The following WDPCP variants were observed in gnomAD, a reference collection of about 807,000 sequenced individuals.
WDPCP encodes the protein WD repeat containing planar cell polarity effector.
Under a neutral mutation model 93.1 loss-of-function variants are expected in WDPCP, and 71 were observed. That is an observed-to-expected ratio of 0.76 (90% confidence interval 0.63 to 0.93). WDPCP has a LOEUF of 0.93. Ranked by LOEUF, WDPCP falls within the 40% of genes least tolerant of loss-of-function variation. The pLI, the probability that WDPCP is intolerant of heterozygous loss-of-function variation, is 0.00. For missense variants in WDPCP, 844 were observed against 887.4 expected (o/e 0.95, Z 0.62); for synonymous variants, 315 against 315.0 (o/e 1.00, Z 0.00).
chr2:63,710,291 G>A (rs768953995), intron 2 of WDPCP, among the ~76,000 whole-genome samples: 1 of 152,294 alleles, frequency 6.6e-6, no homozygotes, highest in South Asian at 2.1e-4. Context: ...GGTGCCCAAG[G>A]TTGGCTGAGT....
chr2:63,651,789 C>G (rs55957360), intron 2 of WDPCP, among the ~76,000 whole-genome samples: 1 of 152,188 alleles, frequency 6.6e-6, no homozygotes, highest in Admixed American at 6.5e-5. Flanking sequence ...TAACTCAGTA[C>G]TATAACCTAA....
chr2:63,799,560 A>G (rs138128333), intron 2 of WDPCP, among the ~76,000 whole-genome samples: 2 of 152,316 alleles, frequency 1.3e-5, no homozygotes, highest in East Asian at 3.9e-4. Context: ...CTCAAGGGAT[A>G]TAATTCTAGG....
chr2:63,167,002 A>G (rs1209909534), intron 15 of WDPCP, among the ~76,000 whole-genome samples: 4 of 152,054 alleles, frequency 2.6e-5, no homozygotes, highest in Non-Finnish European at 2.9e-5. Flanking sequence ...TATGAGTTCA[A>G]TTGTTTTAAT....
chr2:63,407,069 A>C (rs1694646993), intron 9 of WDPCP, among the ~76,000 whole-genome samples: 1 of 152,188 alleles, frequency 6.6e-6, no homozygotes, highest in Admixed American at 6.5e-5. Context: ...AAGCATATAG[A>C]TATCCTAAAC....
intron 2 of WDPCP, among the ~76,000 whole-genome samples, chr2:63,694,364 T>C (rs962694272): frequency 6.6e-6 from 1 of 152,192 alleles, no homozygotes; most frequent in African/African-American, 2.4e-5. Context: ...TACCTTATAA[T>C]CTTTCTTTGA....
intron 3 of WDPCP, chr2:63,644,081 T>C (rs1710017451): frequency 2.8e-6 from 1 of 357,684 alleles, no homozygotes; most frequent in Admixed American, 3.7e-5. Flanking sequence ...ATGAATGATC[T>C]TTTTAATCTG....
chr2:63,195,188 A>G (rs1451778360), intron 14 of WDPCP, among the ~76,000 whole-genome samples: 1 of 152,120 alleles, frequency 6.6e-6, no homozygotes, highest in Non-Finnish European at 1.5e-5. Flanking sequence ...TGACATTTTT[A>G]TAATTGGTAG....
rs570549335 is a variant in WDPCP, at chr2:63,445,715, G to A, written c.385-5844C>T. 3.3e-5 allele frequency among the ~76,000 whole-genome samples: 5 copies of A among 152,222 alleles called. No homozygotes were observed. In the South Asian group the frequency reaches 6.2e-4, roughly 19 times the overall value. Reference sequence around the variant, plus strand: ...GGCATCTCAAAATAAAACAAGGTCCGAAAGTAGATTTTGTATTTGTCAGTA... The same window carrying A: ...GGCATCTCAAAATAAAACAAGGTCCAAAAGTAGATTTTGTATTTGTCAGTA... On this transcript the variant is annotated intron_variant, in intron 6 of 17. Coordinates refer to ENST00000272321, the MANE Select transcript of WDPCP (RefSeq NM_015910.7).
At chr2:63,259,493 T>C (rs1681434379) in intron 13 of WDPCP, 84 bp from the exon 14 acceptor site, 3 of 1,066,278 alleles carry the variant, frequency 2.8e-6, no homozygotes, top group Non-Finnish European at 2.9e-6. Context: ...AAACTTATTG[T>C]CCAGATTACA....
chr2:63,484,029 T>A lies in WDPCP; in HGVS notation c.384+575A>T, dbSNP rs570622763. ...TGTCCAATATGATAACATGTGGCTATTGAACACTTAAATGCGGGTAGTGCA... is the reference window on the plus strand; with the variant it reads ...TGTCCAATATGATAACATGTGGCTAATGAACACTTAAATGCGGGTAGTGCA... On this transcript the variant is annotated intron_variant, in intron 6 of 17. Transcript: ENST00000272321. 5.9e-5 allele frequency among the ~76,000 whole-genome samples: 9 copies of A among 152,138 alleles called. No homozygotes were observed. In the East Asian group the frequency reaches 1.7e-3, roughly 29 times the overall value.
chr2:63,502,723 T>G (rs1335980722), intron 1 of WDPCP, among the ~76,000 whole-genome samples: 1 of 152,116 alleles, frequency 6.6e-6, no homozygotes, highest in Non-Finnish European at 1.5e-5. Flanking sequence ...GTTTAGTCAT[T>G]TAAAATTTTT....
chr2:63,313,137 C>G, intron 13 of WDPCP, 111 bp downstream of exon 13: 1 of 973,222 alleles, frequency 1.0e-6, no homozygotes, highest in South Asian at 1.4e-5. Flanking sequence ...ATAATGCTTT[C>G]CCACCCTGTG....
At chr2:63,261,667 A>C (rs1681644024) in intron 13 of WDPCP, among the ~76,000 whole-genome samples, 1 of 152,186 alleles carries the variant, frequency 6.6e-6, no homozygotes, top group South Asian at 2.1e-4. Context: ...GAGCTATATC[A>C]CAAAAATTGT....
intron 8 of WDPCP, among the ~76,000 whole-genome samples, chr2:63,435,653 G>C (rs1697088483): frequency 6.6e-6 from 1 of 152,040 alleles, no homozygotes; most frequent in African/African-American, 2.4e-5. Context: ...TTTCCTATGA[G>C]TTTAATATTA....
intron 6 of WDPCP, among the ~76,000 whole-genome samples, chr2:63,448,258 A>T (rs770056156): frequency 2.0e-5 from 3 of 152,100 alleles, no homozygotes; most frequent in Non-Finnish European, 4.4e-5. Flanking sequence ...TCCATAATCC[A>T]TACTAATGTG....
intron 6 of WDPCP, 110 bp from the exon 7 acceptor site, chr2:63,439,981 C>T: frequency 1.3e-6 from 1 of 751,744 alleles, no homozygotes; most frequent in Non-Finnish European, 2.3e-6. Flanking sequence ...ACACATGCAT[C>T]TACACTACAA....
the WDPCP span, among the ~76,000 whole-genome samples, chr2:63,834,363 G>C: frequency 2.0e-4 from 30 of 152,232 alleles, no homozygotes; most frequent in African/African-American, 6.7e-4. Flanking sequence ...GTAAACTCTT[G>C]TTGTAAGTCA....
chr2:63,490,464 G>A (rs995251438), intron 2 of WDPCP, among the ~76,000 whole-genome samples: 1 of 152,128 alleles, frequency 6.6e-6, no homozygotes, highest in African/African-American at 2.4e-5. Context: ...TAAACATCAA[G>A]CATAATGAGA....
At chr2:63,296,682 A>G (rs1559294307) in intron 13 of WDPCP, among the ~76,000 whole-genome samples, 1 of 152,186 alleles carries the variant, frequency 6.6e-6, no homozygotes, top group African/African-American at 2.4e-5. Context: ...CAGGAACTCA[A>G]TCCCATTTAC....
Sources: allele counts gnomAD v4.1 joint callset (sites outside exome capture counted in the v4.1 genomes callset), GRCh38; gene constraint gnomAD v4.1.1; transcripts MANE v1.5; gene names NCBI Gene and HGNC (gene_info 2026-07-23, HGNC 2026-07-21).